PCDH11X: variants seen among roughly 807,000 people sequenced by gnomAD.
The protein encoded by PCDH11X is protocadherin 11 X-linked.
A neutral mutation model predicts 53.3 loss-of-function variants in PCDH11X; 18 were observed. The ratio of observed to expected loss-of-function variants is 0.34; its 90% CI spans 0.23 to 0.50. The LOEUF (loss-of-function observed/expected upper bound fraction) is 0.50. Among genes scored for constraint, PCDH11X ranks in the 20% least tolerant of loss-of-function variants. The pLI is 0.98. For synonymous variants in PCDH11X, 279 were observed against 393.3 expected (o/e 0.71, Z 3.44); for missense variants, 570 against 1,032.4 (o/e 0.55, Z 6.14).
intron 8 of PCDH11X, among the ~76,000 whole-genome samples, chrX:92,283,343 A>G (rs1380537341): frequency 9.0e-6 from 1 of 111,350 alleles, no homozygotes; most frequent in African/African-American, 3.3e-5. Context: ...TATAGAAGTG[A>G]TCTTCCTTTA....
chrX:92,112,048 C>A (rs5984883), intron 6 of PCDH11X, among the ~76,000 whole-genome samples: 1 of 105,393 alleles, frequency 9.5e-6, no homozygotes, highest in Non-Finnish European at 1.9e-5. Context: ...TGAGCCACTG[C>A]GCCCAGCCTC....
intron 10 of PCDH11X, among the ~76,000 whole-genome samples, chrX:92,616,905 AT>A (rs758821705): frequency 0.012 from 1,290 of 110,713 alleles, 21 homozygotes; most frequent in African/African-American, 0.04. Flanking sequence ...GATTTTCTTT[AT>A]TTTTTTCATC....
chrX:91,989,901 G>A (rs2062293166), intron 6 of PCDH11X, among the ~76,000 whole-genome samples: 1 of 110,688 alleles, frequency 9.0e-6, no homozygotes, highest in African/African-American at 3.3e-5. Flanking sequence ...CCAGAACTCT[G>A]AAGAAATGAA....
At chrX:92,613,545 TTGTG>T (rs201132708) in intron 10 of PCDH11X, among the ~76,000 whole-genome samples, 2,285 of 65,395 alleles carry the variant, frequency 0.035, 72 homozygotes, top group African/African-American at 0.11. Context: ...GTTGTTGTTG[TTGTG>T]TGTGTGTGTG....
At chrX:91,865,569 T>C (rs763527643) in intron 5 of PCDH11X, among the ~76,000 whole-genome samples, 9 of 111,825 alleles carry the variant, frequency 8.0e-5, no homozygotes, top group African/African-American at 2.9e-4. Context: ...GCCAGGTCTA[T>C]GTCTTTCATT....
chrX:92,540,667 T>A (rs954038986), intron 10 of PCDH11X, among the ~76,000 whole-genome samples: 1 of 106,090 alleles, frequency 9.4e-6, no homozygotes, highest in African/African-American at 3.4e-5. Context: ...ATATGGCAGG[T>A]CACACTTGAA....
At chrX:92,078,912 T>C (rs1249877857) in intron 6 of PCDH11X, among the ~76,000 whole-genome samples, 2 of 110,706 alleles carry the variant, frequency 1.8e-5, no homozygotes, top group East Asian at 2.9e-4. Flanking sequence ...TTTATCATAA[T>C]ACTTGTTTAT....
chrX:92,018,238 G>A (rs2062828819), intron 6 of PCDH11X, among the ~76,000 whole-genome samples: 2 of 111,562 alleles, frequency 1.8e-5, no homozygotes, highest in African/African-American at 6.5e-5. Flanking sequence ...AAGCACATTA[G>A]ACAAATAGAT....
At chrX:92,390,483 A>G (rs1247529998) in intron 9 of PCDH11X, among the ~76,000 whole-genome samples, 3 of 109,093 alleles carry the variant, frequency 2.7e-5, no homozygotes, top group Non-Finnish European at 5.7e-5. Context: ...TACTGATGAT[A>G]AGGTATTTTG....
At chrX:92,343,405 G>C (rs574665648) in intron 8 of PCDH11X, among the ~76,000 whole-genome samples, 1 of 111,089 alleles carries the variant, frequency 9.0e-6, no homozygotes, top group Non-Finnish European at 1.9e-5. Context: ...CCTTTGATGT[G>C]GTGGATAATA....
chrX:92,322,250 G>A (rs1177101989), intron 8 of PCDH11X, among the ~76,000 whole-genome samples: 1 of 110,562 alleles, frequency 9.0e-6, no homozygotes, highest in Non-Finnish European at 1.9e-5. Flanking sequence ...AGAATTATAT[G>A]CAATATTCTC....
chrX:91,822,373 A>G (rs1378927494), intron 4 of PCDH11X, among the ~76,000 whole-genome samples: 1 of 107,254 alleles, frequency 9.3e-6, no homozygotes, highest in African/African-American at 3.4e-5. Flanking sequence ...GTCTATTCAG[A>G]GATTCAACTT....
At chrX:92,203,956 G>A (rs1028874684) in intron 7 of PCDH11X, among the ~76,000 whole-genome samples, 7 of 112,255 alleles carry the variant, frequency 6.2e-5, no homozygotes, top group African/African-American at 2.3e-4. Flanking sequence ...CCACATGTAA[G>A]CCACCAAGGC....
At chrX:92,013,264 A>C (rs2084283206) in intron 6 of PCDH11X, among the ~76,000 whole-genome samples, 1 of 111,906 alleles carries the variant, frequency 8.9e-6, no homozygotes, top group South Asian at 3.7e-4. Context: ...CCAAATCATG[A>C]GTGAACTCAC....
chrX:92,058,261 A>G (rs1309785842), intron 6 of PCDH11X, among the ~76,000 whole-genome samples: 1 of 110,421 alleles, frequency 9.1e-6, no homozygotes, highest in Admixed American at 9.8e-5. Flanking sequence ...AAGGGGAAGG[A>G]TGGAAGGGGA....
At chrX:91,829,377 TC>T (rs1937032007) in intron 4 of PCDH11X, among the ~76,000 whole-genome samples, 2 of 106,268 alleles carry the variant, frequency 1.9e-5, no homozygotes, top group South Asian at 4.3e-4. Context: ...AATAGGCTTT[TC>T]AACAAATACC....
intron 10 of PCDH11X, among the ~76,000 whole-genome samples, chrX:92,522,383 G>A (rs982489886): frequency 3.7e-4 from 41 of 111,298 alleles, no homozygotes; most frequent in African/African-American, 6.5e-4. Flanking sequence ...TTGATTGTTC[G>A]CCCTCTTATC....
intron 8 of PCDH11X, among the ~76,000 whole-genome samples, chrX:92,379,143 G>A (rs1468073704): frequency 5.3e-5 from 6 of 112,500 alleles, no homozygotes; most frequent in Admixed American, 3.7e-4. Context: ...TGAGGGCCTC[G>A]CCCTCCCAGG....
At chrX:92,288,592 T>C (rs1168435667) in intron 8 of PCDH11X, among the ~76,000 whole-genome samples, 1 of 110,877 alleles carries the variant, frequency 9.0e-6, no homozygotes, top group Non-Finnish European at 1.9e-5. Context: ...AAAATATCTG[T>C]TTATTTTTAC....
Sources: allele counts gnomAD v4.1 joint callset (sites outside exome capture counted in the v4.1 genomes callset), GRCh38; gene constraint gnomAD v4.1.1; transcripts MANE v1.5; gene names NCBI Gene and HGNC (gene_info 2026-07-23, HGNC 2026-07-21).